AATF: variants seen among roughly 807,000 people sequenced by gnomAD.
The protein encoded by AATF is protein AATF.
Under a neutral mutation model 63.7 loss-of-function variants are expected in AATF, and 48 were observed. That is an observed-to-expected ratio of 0.75 (90% CI 0.60 to 0.96). The LOEUF (loss-of-function observed/expected upper bound fraction) is 0.96, where lower values mean the gene tolerates loss of function less well. AATF is among the 40% of genes least tolerant of loss of function. The probability of loss-of-function intolerance (pLI) is 0.00; values close to 1 mark genes in which losing one functional copy is unlikely to be tolerated. For missense variants in AATF, 639 were observed against 685.7 expected (o/e 0.93, Z 0.76); for synonymous variants, 258 against 247.7 (o/e 1.04, Z -0.39).
At chr17:36,959,337 G>A (rs551735873) in intron 4 of AATF, among the ~76,000 whole-genome samples, 1 of 152,206 alleles carries the variant, frequency 6.6e-6, no homozygotes, top group East Asian at 1.9e-4. Context: ...CATCTACTCA[G>A]GAGGCTGAGG....
At chr17:37,028,418 G>C (rs1237969219) in intron 10 of AATF, among the ~76,000 whole-genome samples, 1 of 152,036 alleles carries the variant, frequency 6.6e-6, no homozygotes, top group Non-Finnish European at 1.5e-5. Flanking sequence ...GAGCAACAAA[G>C]CAAGACCCTA....
chr17:36,957,559 T>C (rs1241928908), intron 4 of AATF, among the ~76,000 whole-genome samples: 3 of 152,242 alleles, frequency 2.0e-5, no homozygotes, highest in Non-Finnish European at 4.4e-5. Context: ...CTTACGACGC[T>C]ATGGAAAGAT....
chr17:36,981,370 T>C (rs1461723478), intron 4 of AATF, among the ~76,000 whole-genome samples: 1 of 152,190 alleles, frequency 6.6e-6, no homozygotes, highest in Non-Finnish European at 1.5e-5. Context: ...TGATTTTATT[T>C]TTTAGATCGT....
chr17:36,968,262 CCTTCTTTCTTTTTTTTTT>C (rs2071008817), intron 4 of AATF, among the ~76,000 whole-genome samples: 14 of 91,064 alleles, frequency 1.5e-4, no homozygotes, highest in African/African-American at 8.1e-4. Context: ...TTCTTTCTTT[CCTTCTTTCTTTTTTTTTT>C]TTTTTTTTTT....
chr17:37,056,369 A>C, intron 11 of AATF: 1 of 527,314 alleles, frequency 1.9e-6, no homozygotes, highest in Non-Finnish European at 3.4e-6. Flanking sequence ...CAGAACACTC[A>C]TTCCCTGGAG....
chr17:37,019,027 G>A lies in AATF; in HGVS notation c.1421G>A (p.Arg474Gln), dbSNP rs1045687198. 7.4e-6 allele frequency: 12 copies of A among 1,613,952 alleles called. No individual in the cohort carries two copies. The highest frequency in any genetic ancestry group is 2.7e-5 in the African/African-American group (2 of 74,898). ...TAGCTCCTTCGAGAACTCATAGAAC[G>A]GAAGACCAGCTCCTTGGATCCCAAC... ...YHQLLRELIE[R>Q]KTSSLDPNDQ... Residue 474 changes from arginine (R) to glutamine (Q), a missense_variant, in exon 9 of 12, where the codon CGG becomes CAG. Transcript: ENST00000619387.
At chr17:37,046,240 G>C (rs1053398373) in intron 11 of AATF, among the ~76,000 whole-genome samples, 6 of 152,144 alleles carry the variant, frequency 3.9e-5, no homozygotes, top group African/African-American at 1.2e-4. Context: ...ATGAGTTTAG[G>C]GGGAGGGCAG....
At position 36,948,973 on chromosome 17, in the gene AATF, G is replaced by C. The variant is rs1313718949; in HGVS notation, c.-153G>C. The C allele has an allele frequency of 4.7e-6, 3 of 637,158 alleles. No individual in the cohort carries two copies. The highest frequency in any genetic ancestry group is 3.1e-5 in the East Asian group (1 of 31,858). 39.5% of individuals were successfully genotyped at this position (637,158 alleles called of 1,614,324 possible). A position where few individuals can be genotyped will look rare whatever the true frequency, so the allele number is the denominator to read the frequency against. On this transcript the variant is annotated 5_prime_UTR_variant, in exon 1 of 12. Coordinates refer to ENST00000619387, the MANE Select transcript of AATF (RefSeq NM_012138.4). The stretch of plus-strand genomic sequence containing the variant: ...TCCCGCGCGCCTCCCGGAAGTGGCC[G>C]GTCCAGAGCTGTGGGGTGGCCTCCG...
intron 8 of AATF, among the ~76,000 whole-genome samples, chr17:36,998,351 G>T (rs540244031): frequency 6.6e-6 from 1 of 152,200 alleles, no homozygotes; most frequent in Non-Finnish European, 1.5e-5. Flanking sequence ...CCTGAAGGAA[G>T]TACATGACTG....
intron 5 of AATF, among the ~76,000 whole-genome samples, chr17:36,988,005 T>TAAAAA (rs1403525804): frequency 6.6e-6 from 1 of 152,250 alleles, no homozygotes; most frequent in Non-Finnish European, 1.5e-5. Flanking sequence ...CTAGTTCTTT[T>TAAAAA]TATATTTGTT....
intron 8 of AATF, among the ~76,000 whole-genome samples, chr17:37,010,604 G>A (rs961274305): frequency 3.9e-5 from 6 of 152,328 alleles, no homozygotes; most frequent in South Asian, 2.1e-4. Context: ...GGAGGTAGAC[G>A]TTATCAAGGA....
At position 37,053,774 on chromosome 17, in the gene AATF, G is replaced by A. The variant is rs572179268; in HGVS notation, c.1620-2827G>A. On this transcript the variant is annotated intron_variant, in intron 11 of 11. Transcript: ENST00000619387. ...CCAATTACTTGGAAGGCTGAGGCAGGAGAATCGATTGAACCCGGGAGGCGG... is the reference window on the plus strand; with the variant it reads ...CCAATTACTTGGAAGGCTGAGGCAGAAGAATCGATTGAACCCGGGAGGCGG... Among the ~76,000 whole-genome samples, 72 of 152,284 alleles carry A rather than the reference G, an allele frequency of 4.7e-4. No homozygotes were observed. In the Middle Eastern group the frequency reaches 0.014, roughly 29 times the overall value.
chr17:36,958,521 A>G (rs762681337), intron 4 of AATF, among the ~76,000 whole-genome samples: 47 of 152,154 alleles, frequency 3.1e-4, no homozygotes, highest in Non-Finnish European at 5.3e-4. Context: ...GTTGGTGGCA[A>G]TGATATGTAA....
In AATF at chr17:37,038,293, T is replaced by G. The variant is rs151020859; in HGVS notation, c.1619+6608T>G. On this transcript the variant is annotated intron_variant, in intron 11 of 11. Transcript: ENST00000619387. Reference sequence around the variant, plus strand: ...GAGGCAGACTGAGTTAATTGTCATTTGTTGTGTGGATGTAAGTCAGTAAAA... The same window carrying G: ...GAGGCAGACTGAGTTAATTGTCATTGGTTGTGTGGATGTAAGTCAGTAAAA... Among the ~76,000 whole-genome samples the G allele has an allele frequency of 4.5e-3, 687 of 152,342 alleles. 6 individuals carry two copies. The highest frequency in any genetic ancestry group is 8.0e-3 in the Non-Finnish European group (545 of 68,026).
chr17:37,011,024 G>A (rs936943619), intron 8 of AATF, among the ~76,000 whole-genome samples: 2 of 152,220 alleles, frequency 1.3e-5, no homozygotes, highest in Non-Finnish European at 2.9e-5. Flanking sequence ...TCATTACACT[G>A]CCTCAGGCAA....
At position 37,044,507 on chromosome 17, in the gene AATF, C is replaced by G. The variant is rs150389673; in HGVS notation, c.1620-12094C>G. 5.3e-4 allele frequency among the ~76,000 whole-genome samples: 80 copies of G among 152,260 alleles called. No individual in the cohort carries two copies. The East Asian group carries it at 6.4e-3, about 12-fold the overall frequency. ...TCTTACATGTCCATCACTTCCAAGA[C>G]CCTAAACTTTGTATACACTATAGGT... is the stretch of plus-strand genomic sequence containing the variant. On this transcript the variant is annotated intron_variant, in intron 11 of 11. Coordinates refer to ENST00000619387, the MANE Select transcript of AATF (RefSeq NM_012138.4).
At chr17:36,982,659 T>G (rs891859904) in intron 4 of AATF, among the ~76,000 whole-genome samples, 2 of 152,118 alleles carry the variant, frequency 1.3e-5, no homozygotes, top group African/African-American at 4.8e-5. Flanking sequence ...GCCCAGTGTT[T>G]TTTTGTTGTT....
intron 4 of AATF, among the ~76,000 whole-genome samples, chr17:36,982,228 GTTTTGTTTTTTTT>G (rs982357541): frequency 1.3e-4 from 15 of 113,592 alleles, no homozygotes; most frequent in Admixed American, 9.0e-4. Context: ...TTTGTTTTTT[GTTTTGTTTTTTTT>G]TTTTTTTTGA....
intron 4 of AATF, among the ~76,000 whole-genome samples, chr17:36,960,801 A>G (rs189075242): frequency 1.1e-4 from 17 of 152,328 alleles, no homozygotes; most frequent in Admixed American, 6.5e-4. Flanking sequence ...TTATTGCTGC[A>G]GACTTCATCT....
Sources: allele counts gnomAD v4.1 joint callset (sites outside exome capture counted in the v4.1 genomes callset), GRCh38; gene constraint gnomAD v4.1.1; transcripts MANE v1.5; gene names NCBI Gene and HGNC (gene_info 2026-07-23, HGNC 2026-07-21).